Variants in CDS2 observed in about 807,000 individuals in gnomAD.
CDS2 encodes the protein phosphatidate cytidylyltransferase 2.
A neutral mutation model predicts 59.0 loss-of-function variants in CDS2; 47 were observed. The observed-to-expected ratio is 0.80, with a 90% confidence interval of 0.63 to 1.02. The LOEUF (loss-of-function observed/expected upper bound fraction) is 1.02. Among genes scored for constraint, CDS2 ranks in the 50% least tolerant of loss-of-function variants. The probability of loss-of-function intolerance (pLI) is 0.00; values close to 1 mark genes in which losing one functional copy is unlikely to be tolerated. For synonymous variants in CDS2, 207 were observed against 206.4 expected, an observed-to-expected ratio of 1.00 and a Z score of -0.02; for missense variants, 356 against 558.9, an observed-to-expected ratio of 0.64 and a Z score of 3.66.
intron 1 of CDS2, among the ~76,000 whole-genome samples, chr20:5,157,812 G>T (rs939146368): frequency 1.3e-5 from 2 of 152,112 alleles, no homozygotes; most frequent in African/African-American, 4.8e-5. Context: ...CCATTGAGAT[G>T]GGGGTTAGGA....
chr20:5,190,127 C>G lies in CDS2; in HGVS notation c.1231C>G (p.Gln411Glu), dbSNP rs1235872188. The G allele has an allele frequency of 2.5e-6, 4 of 1,613,878 alleles. No homozygotes were observed. Among genetic ancestry groups the G allele is most frequent in the Middle Eastern group, 1.6e-4 (1 of 6,080 alleles). The change falls in exon 13 of 13, where the codon CAG becomes GAG. Residue 411 changes from glutamine (Q) to glutamate (E), a missense_variant. Physicochemically the swap from Gln to Glu is conservative, Grantham distance 29 (BLOSUM62 2). Coordinates refer to ENST00000460006, the MANE Select transcript of CDS2 (RefSeq NM_003818.4). ...IRGPNPSKLI[Q>E]QFLTLRPDQQ... ...AGGCCCTAACCCAAGCAAACTGATTCAGCAGTTCCTGACTTTACGGCCAGA... is the reference window on the plus strand; with the variant it reads ...AGGCCCTAACCCAAGCAAACTGATTGAGCAGTTCCTGACTTTACGGCCAGA...
intron 1 of CDS2, among the ~76,000 whole-genome samples, chr20:5,152,692 A>G (rs1392732395): frequency 6.6e-6 from 1 of 152,172 alleles, no homozygotes; most frequent in Non-Finnish European, 1.5e-5. Flanking sequence ...GCAGTGAGCC[A>G]AGATTGCGCC....
rs910389693 is a variant in CDS2 at position 5,130,587 on chromosome 20, A to G, written c.57+3438A>G. Among the ~76,000 whole-genome samples, 5 of 149,534 alleles carry G rather than the reference A, an allele frequency of 3.3e-5. No homozygotes were observed. The Admixed American group carries it at 3.4e-4, about 10-fold the overall frequency. ...AGGTCAGGAGTTCGAGACCAGCCTG[A>G]CCAACGGGGTTTTAGTAGAAACCCC... On this transcript the variant is annotated intron_variant, in intron 1 of 12. Transcript: ENST00000460006.
At chr20:5,188,837 C>G (rs891953670) in intron 10 of CDS2, among the ~76,000 whole-genome samples, 1 of 152,126 alleles carries the variant, frequency 6.6e-6, no homozygotes, top group African/African-American at 2.4e-5. Context: ...CATAACAACC[C>G]ATTCCCTCGG....
intron 2 of CDS2, among the ~76,000 whole-genome samples, chr20:5,174,944 A>T (rs1395225403): frequency 6.6e-6 from 1 of 152,140 alleles, no homozygotes; most frequent in East Asian, 1.9e-4. Context: ...GTTTTGCCTG[A>T]TACCTTCTTT....
intron 3 of CDS2, 115 bp downstream of exon 3, chr20:5,175,394 C>T (rs2090987748): frequency 2.6e-6 from 2 of 771,940 alleles, no homozygotes; most frequent in South Asian, 1.5e-5. Context: ...CCAGGCTTCT[C>T]AGAAAACCTC....
rs141344527 is a variant in CDS2, at chr20:5,184,461, C to G, written c.672-397C>G. 1.3e-5 allele frequency among the ~76,000 whole-genome samples: 2 copies of G among 151,888 alleles called. No individual in the cohort carries two copies. The highest frequency in any genetic ancestry group is 2.9e-5 in the Non-Finnish European group (2 of 67,976). On this transcript the variant is annotated intron_variant, in intron 7 of 12. Transcript: ENST00000460006. The surrounding 1 kb of genome is among the most constrained non-coding windows in gnomAD (Gnocchi z 4.3). ...ATACTATTTAGAATTGGGGAGGTAA[C>G]CACTAGAAAAATAAAAATTAGAAAC...
intron 1 of CDS2, among the ~76,000 whole-genome samples, chr20:5,143,890 G>A (rs1395548409): frequency 1.3e-5 from 2 of 151,312 alleles, no homozygotes; most frequent in South Asian, 2.1e-4. Flanking sequence ...TTAGCCTCCC[G>A]AGTAGCTGGG....
intron 1 of CDS2, among the ~76,000 whole-genome samples, chr20:5,152,354 A>C (rs952688640): frequency 6.6e-6 from 1 of 151,950 alleles, no homozygotes; most frequent in African/African-American, 2.4e-5. Context: ...CTAGTGTCCT[A>C]TGGTTTTTGT....
chr20:5,179,054 T>A, intron 5 of CDS2, 98 bp downstream of exon 5: 1 of 1,113,702 alleles, frequency 9.0e-7, no homozygotes, highest in Non-Finnish European at 1.4e-6. Flanking sequence ...TACAGTTTTG[T>A]GACATTAACT....
intron 6 of CDS2, 68 bp downstream of exon 6, chr20:5,182,513 G>A (rs2091038703): frequency 7.3e-7 from 1 of 1,372,746 alleles, no homozygotes; most frequent in East Asian, 2.3e-5. Flanking sequence ...AACTCAACAA[G>A]CCTTTCATGC....
intron 1 of CDS2, among the ~76,000 whole-genome samples, chr20:5,161,223 GT>G (rs571482816): frequency 3.0e-3 from 464 of 152,234 alleles, no homozygotes; most frequent in Non-Finnish European, 5.3e-3. Flanking sequence ...TGTTATTTTG[GT>G]TTTTCTTTTT....
Position 5,197,652 on chromosome 20 carries a change from A to C in CDS2, c.*7418A>C, listed in dbSNP as rs951294068. 6.6e-6 allele frequency: 1 copy of C among 151,800 alleles called. No homozygotes were observed. The highest frequency in any genetic ancestry group is 1.5e-5 in the Non-Finnish European group (1 of 67,928). The allele number at this position is 151,800 out of a possible 1,614,324, so 9.4% of individuals were successfully genotyped here. A position where few individuals can be genotyped will look rare whatever the true frequency, so the allele number is the denominator to read the frequency against. ...GTAGAGTCCACGTGACAGTCCCCAC[A>C]GCCTCCCCAGATAGCTGTGTGCCTG... On this transcript the variant is annotated 3_prime_UTR_variant, in exon 13 of 13. Coordinates refer to ENST00000460006, the MANE Select transcript of CDS2 (RefSeq NM_003818.4).
intron 1 of CDS2, among the ~76,000 whole-genome samples, chr20:5,172,288 G>A (rs1356333614): frequency 6.6e-6 from 1 of 152,210 alleles, no homozygotes; most frequent in African/African-American, 2.4e-5. Flanking sequence ...TGTTAAGAGA[G>A]CAAATCACTG....
At chr20:5,136,815 G>A (rs569366543) in intron 1 of CDS2, among the ~76,000 whole-genome samples, 1 of 152,186 alleles carries the variant, frequency 6.6e-6, no homozygotes, top group African/African-American at 2.4e-5. Flanking sequence ...TTAGGTTCAG[G>A]GGATACATGT....
Position 5,183,075 on chromosome 20 carries a change from T to C in CDS2, c.603T>C (p.His201=). 1.2e-6 allele frequency: 2 copies of C among 1,614,062 alleles called. No homozygotes were observed. The highest frequency in any genetic ancestry group is 1.7e-6 in the Non-Finnish European group (2 of 1,179,902). The change falls in exon 7 of 13, where the codon CAT becomes CAC. Residue 201 remains histidine, a synonymous_variant. Transcript: ENST00000460006. ...TTTTTTTGCAGTTTGGCTGGACCCA[T>C]GTGACATTGCTGATTGTTGTAACAC... ...RLQFYMFGWT[H]VTLLIVVTQS...
chr20:5,128,682 C>T, intron 1 of CDS2: 1 of 152,184 alleles, frequency 6.6e-6, no homozygotes, highest in South Asian at 2.1e-4. Flanking sequence ...ACTTTGAAGT[C>T]TCTAATTTTT....
intron 2 of CDS2, 72 bp from the exon 3 acceptor site, chr20:5,175,111 C>CTTGAGT: frequency 9.1e-7 from 1 of 1,096,624 alleles, no homozygotes; most frequent in Non-Finnish European, 1.4e-6. Context: ...ATCCATATCC[C>CTTGAGT]TTGAGTTTGT....
Position 5,189,260 on chromosome 20 carries a change from C to G in CDS2, c.1101+74C>G. The G allele has an allele frequency of 3.2e-6, 5 of 1,574,712 alleles. No individual in the cohort carries two copies. The Admixed American group carries it at 6.7e-5, about 21-fold the overall frequency. On this transcript the variant is annotated intron_variant, in intron 11 of 12. Coordinates refer to ENST00000460006, the MANE Select transcript of CDS2 (RefSeq NM_003818.4). ...TCTGCCTTTCTCCCCCTTCCCTGCC[C>G]CCTCCAAAATACTAGGCTGTACACC...
Sources: gnomAD v4.1 joint callset for allele counts (sites outside exome capture counted in the v4.1 genomes callset) on GRCh38, gnomAD v4.1.1 for gene constraint, Gnocchi (gnomAD v3.1) non-coding constraint, MANE v1.5 for transcripts, NCBI Gene and HGNC (gene_info 2026-07-23, HGNC 2026-07-21) for gene names.